POLR3B: variants seen among roughly 807,000 people sequenced by gnomAD.
POLR3B encodes RNA polymerase III subunit B, also known as DNA-directed RNA polymerase III subunit RPC2.
A neutral mutation model predicts 147.4 loss-of-function variants in POLR3B; 96 were observed. The observed-to-expected ratio is 0.65, with a 90% confidence interval of 0.55 to 0.77. The LOEUF (loss-of-function observed/expected upper bound fraction) is 0.77. Among genes scored for constraint, POLR3B ranks in the 30% least tolerant of loss-of-function variants. POLR3B has a pLI of 0.00. For synonymous variants in POLR3B, 461 were observed against 485.9 expected (o/e 0.95, Z 0.67); for missense variants, 1,036 against 1,413.5 (o/e 0.73, Z 4.28).
rs530190657 is a variant in POLR3B at position 106,385,529 on chromosome 12, C to T, written c.723+5390C>T. Among the ~76,000 whole-genome samples the T allele has an allele frequency of 8.0e-4, 122 of 152,220 alleles. 1 individual carries two copies. The highest frequency in any genetic ancestry group is 1.6e-3 in the Admixed American group (25 of 15,296). On this transcript the variant is annotated intron_variant, in intron 9 of 27. Coordinates refer to ENST00000228347, the MANE Select transcript of POLR3B (RefSeq NM_018082.6). ...TGAGGCTGAACTAAGTTCGTTGAAA[C>T]GGAAAAGCATTTTGGGTATAAGCCT...
chr12:106,425,494 C>T (rs1308364046), intron 12 of POLR3B, among the ~76,000 whole-genome samples: 1 of 152,148 alleles, frequency 6.6e-6, no homozygotes, highest in African/African-American at 2.4e-5. Flanking sequence ...ATTTTTGCCT[C>T]CTGGGACTTT....
At chr12:106,453,066 C>T (rs2037817669) in intron 19 of POLR3B, among the ~76,000 whole-genome samples, 2 of 148,514 alleles carry the variant, frequency 1.3e-5, no homozygotes, top group African/African-American at 2.5e-5. Flanking sequence ...GCTCTATTGC[C>T]CAGGCTGGAG....
intron 23 of POLR3B, among the ~76,000 whole-genome samples, chr12:106,492,672 G>A (rs1296940552): frequency 6.6e-6 from 1 of 152,202 alleles, no homozygotes; most frequent in Non-Finnish European, 1.5e-5. Context: ...ACAAATTGGT[G>A]TAGGAGCCAG....
At position 106,457,075 on chromosome 12, in the gene POLR3B, T is replaced by A. The variant is rs530897570; in HGVS notation, c.2294-63T>A. On this transcript the variant is annotated intron_variant, in intron 20 of 27. Coordinates refer to ENST00000228347, the MANE Select transcript of POLR3B (RefSeq NM_018082.6). ...GGAGTGGATTGTTGAGTAGCACAAA[T>A]CCATATTTCCTTATAGCTTTGGGTT... 9 of 1,400,478 alleles carry A rather than the reference T, an allele frequency of 6.4e-6. No homozygotes were observed. In the Admixed American group the frequency reaches 1.0e-4, roughly 16 times the overall value. 86.8% of individuals were successfully genotyped at this position (1,400,478 alleles called of 1,614,324 possible).
chr12:106,461,455 G>A (rs1365704849), intron 22 of POLR3B, among the ~76,000 whole-genome samples: 4 of 152,096 alleles, frequency 2.6e-5, no homozygotes, highest in African/African-American at 4.8e-5. Flanking sequence ...GATAGTGCAG[G>A]GAGGAAAACC....
At chr12:106,418,014 C>T (rs1422362799) in intron 12 of POLR3B, among the ~76,000 whole-genome samples, 1 of 152,122 alleles carries the variant, frequency 6.6e-6, no homozygotes, top group Non-Finnish European at 1.5e-5. Context: ...AAAACAATAG[C>T]TGCTAATTTC....
At chr12:106,476,454 CAG>C in intron 23 of POLR3B, among the ~76,000 whole-genome samples, 1 of 67,666 alleles carries the variant, frequency 1.5e-5, no homozygotes, top group South Asian at 5.0e-4. Flanking sequence ...TAATATCCTG[CAG>C]AGTGTTTTCC....
chr12:106,402,094 G>A (rs969688814), intron 10 of POLR3B, among the ~76,000 whole-genome samples: 76 of 151,672 alleles, frequency 5.0e-4, no homozygotes, highest in African/African-American at 1.8e-3. Flanking sequence ...TCCTTAAGCT[G>A]ATAAGCAACT....
intron 6 of POLR3B, among the ~76,000 whole-genome samples, chr12:106,370,832 A>G (rs2036595864): frequency 1.3e-5 from 2 of 151,974 alleles, no homozygotes; most frequent in South Asian, 4.2e-4. Context: ...GGGTTTTGCC[A>G]TGTTGGTCAG....
intron 9 of POLR3B, among the ~76,000 whole-genome samples, chr12:106,391,478 G>A (rs958279343): frequency 1.3e-5 from 2 of 152,078 alleles, no homozygotes; most frequent in South Asian, 4.1e-4. Flanking sequence ...CACCAATGTT[G>A]GCCTAAAAGG....
chr12:106,481,959 G>A (rs1270095667), intron 23 of POLR3B, among the ~76,000 whole-genome samples: 1 of 151,982 alleles, frequency 6.6e-6, no homozygotes, highest in East Asian at 1.9e-4. Flanking sequence ...GTTTGTTTTT[G>A]TCTATTTTAA....
In POLR3B at chr12:106,496,116, G is replaced by A. The variant is rs769294366; in HGVS notation, c.2775G>A (p.Pro925=). ...CATTTTGTGATTCTGGCATCTGTCC[G>A]GACATCATCATGAACCCACACGGCT... ...DMPFCDSGIC[P]DIIMNPHGFP... Residue 925 remains proline, a synonymous_variant, in exon 24 of 28, where the codon CCG becomes CCA. Transcript: ENST00000228347. The A allele has an allele frequency of 2.4e-5, 38 of 1,612,798 alleles. No homozygotes were observed. Among genetic ancestry groups the A allele is most frequent in the Admixed American group, 5.0e-5 (3 of 59,994 alleles).
intron 2 of POLR3B, 129 bp downstream of exon 2, chr12:106,364,031 C>A: frequency 1.4e-6 from 1 of 711,404 alleles, no homozygotes. Context: ...TTTGGAAATA[C>A]AAGGAATTAT....
chr12:106,472,821 C>G, intron 23 of POLR3B, among the ~76,000 whole-genome samples: 1 of 113,872 alleles, frequency 8.8e-6, no homozygotes, highest in South Asian at 2.6e-4. Flanking sequence ...GTTGCCTGTT[C>G]ACTCTGACGG....
chr12:106,412,122 C>G (rs1328069503), intron 12 of POLR3B, among the ~76,000 whole-genome samples: 1 of 151,964 alleles, frequency 6.6e-6, no homozygotes, highest in Non-Finnish European at 1.5e-5. Flanking sequence ...CTTCTTATGT[C>G]TGATAATTTT....
At chr12:106,439,830 G>A (rs1198203361) in intron 18 of POLR3B, among the ~76,000 whole-genome samples, 1 of 152,096 alleles carries the variant, frequency 6.6e-6, no homozygotes, top group Non-Finnish European at 1.5e-5. Flanking sequence ...GCTAAGGCAT[G>A]AGGGTTGCTG....
intron 26 of POLR3B, 41 bp downstream of exon 26, chr12:106,501,477 C>T (rs1565917837): frequency 1.8e-6 from 2 of 1,137,710 alleles, no homozygotes; most frequent in Non-Finnish European, 2.7e-6. Flanking sequence ...ATAATGCAGT[C>T]AAGTCCACCT....
chr12:106,453,026 C>CTTTTT (rs770997629), intron 19 of POLR3B, among the ~76,000 whole-genome samples: 1 of 135,960 alleles, frequency 7.4e-6, no homozygotes. Context: ...TTCTTTTCTT[C>CTTTTT]TTTTTTTTTT....
intron 12 of POLR3B, among the ~76,000 whole-genome samples, chr12:106,423,878 C>T (rs1412224340): frequency 6.7e-6 from 1 of 150,246 alleles, no homozygotes; most frequent in African/African-American, 2.5e-5. Context: ...TTCCTCGGGA[C>T]AAGAGTCTTG....
Sources: gnomAD v4.1 joint callset for allele counts (sites outside exome capture counted in the v4.1 genomes callset) on GRCh38, gnomAD v4.1.1 for gene constraint, MANE v1.5 for transcripts, NCBI Gene and HGNC (gene_info 2026-07-23, HGNC 2026-07-21) for gene names.